Variants in ANKRD11 observed in about 807,000 individuals in gnomAD.
The protein encoded by ANKRD11 is ankyrin repeat domain 11, also known as ankyrin repeat domain-containing protein 11.
Under a neutral mutation model 195.7 loss-of-function variants are expected in ANKRD11, and 17 were observed. That is an observed-to-expected ratio of 0.09 (90% CI 0.06 to 0.13). The LOEUF (loss-of-function observed/expected upper bound fraction) is 0.13, where lower values mean the gene tolerates loss of function less well. ANKRD11 is among the 10% of genes least tolerant of loss of function. The pLI, the probability that ANKRD11 is intolerant of heterozygous loss-of-function variation, is 1.00. For synonymous variants in ANKRD11, 1,953 were observed against 1,528.1 expected (o/e 1.28, Z -6.49); for missense variants, 3,735 against 3,566.1 (o/e 1.05, Z -1.21).
At chr16:89,399,541 G>A (rs1028149378) in intron 2 of ANKRD11, among the ~76,000 whole-genome samples, 1 of 152,166 alleles carries the variant, frequency 6.6e-6, no homozygotes, top group Non-Finnish European at 1.5e-5. Flanking sequence ...GGAACACGGG[G>A]GACCTGGGGC....
chr16:89,407,448 G>A (rs2041950649), intron 2 of ANKRD11, among the ~76,000 whole-genome samples: 1 of 152,048 alleles, frequency 6.6e-6, no homozygotes, highest in African/African-American at 2.4e-5. Context: ...CTGCCAGCAG[G>A]GCCCCTGCCC....
intron 2 of ANKRD11, among the ~76,000 whole-genome samples, chr16:89,394,002 T>C (rs1476780795): frequency 6.6e-6 from 1 of 152,104 alleles, no homozygotes; most frequent in Non-Finnish European, 1.5e-5. Flanking sequence ...TGAAAGTGGG[T>C]TCCCAGACCC....
intron 12 of ANKRD11, chr16:89,270,258 A>G (rs757169952): frequency 2.9e-5 from 6 of 210,336 alleles, no homozygotes; most frequent in Non-Finnish European, 4.9e-5. Flanking sequence ...GCTGAGCCTG[A>G]TACTGCAGGT....
In ANKRD11 at chr16:89,291,192, C is replaced by T. The variant is rs375354801; in HGVS notation, c.227-9G>A. Reference sequence around the variant, plus strand: ...CTCAGGGCCCTGCTTCTCTGTGAGGCGGGCGAGGGAGAGAGGGAGGAGAGA... The same window carrying T: ...CTCAGGGCCCTGCTTCTCTGTGAGGTGGGCGAGGGAGAGAGGGAGGAGAGA... On this transcript the variant is annotated splice_polypyrimidine_tract_variant and intron_variant, in intron 4 of 12. Transcript: ENST00000301030. The surrounding 1 kb of genome is among the most constrained non-coding windows in gnomAD (Gnocchi z 5.3). The T allele has an allele frequency of 1.9e-6, 3 of 1,612,904 alleles. No individual in the cohort carries two copies. Among genetic ancestry groups the T allele is most frequent in the African/African-American group, 1.3e-5 (1 of 74,918 alleles).
intron 2 of ANKRD11, among the ~76,000 whole-genome samples, chr16:89,390,092 C>G (rs11076600): frequency 0.019 from 330 of 17,742 alleles, 45 homozygotes; most frequent in African/African-American, 0.037. Flanking sequence ...GGAGCACAGA[C>G]AGAGAAGATC....
At chr16:89,328,688 G>A (rs1028950305) in intron 2 of ANKRD11, among the ~76,000 whole-genome samples, 1 of 148,390 alleles carries the variant, frequency 6.7e-6, no homozygotes, top group East Asian at 2.0e-4. Flanking sequence ...ACACACCCAG[G>A]AGCACGGGCG....
In ANKRD11 at chr16:89,280,394, T is replaced by C; in HGVS notation, c.6148A>G (p.Thr2050Ala). Residue 2050 changes from threonine (T) to alanine (A), a missense_variant, in exon 9 of 13, where the codon ACC becomes GCC. Physicochemically the swap from Thr to Ala is moderately conservative, Grantham distance 58. Transcript: ENST00000301030. Reference protein sequence around the residue: ...GVDAVPAAISTSEAAPYAPPS... With the variant: ...GVDAVPAAISASEAAPYAPPS... ...GGGGCGTAGGGAGCCGCCTCTGAGG[T>C]GGAGATGGCGGCGGGGACGGCGTCC... 1 of 1,561,308 alleles carries C rather than the reference T, an allele frequency of 6.4e-7. No homozygotes were observed. Among genetic ancestry groups the C allele is most frequent in the Non-Finnish European group, 8.7e-7 (1 of 1,154,424 alleles).
intron 1 of ANKRD11, among the ~76,000 whole-genome samples, chr16:89,438,291 G>T (rs966151837): frequency 2.0e-5 from 3 of 151,758 alleles, no homozygotes; most frequent in South Asian, 2.1e-4. Flanking sequence ...AGAAGGCGTA[G>T]GAAGCTATCT....
chr16:89,433,281 T>G (rs1020635125), intron 1 of ANKRD11, among the ~76,000 whole-genome samples: 2 of 152,208 alleles, frequency 1.3e-5, no homozygotes, highest in African/African-American at 4.8e-5. Context: ...CCCTAACATA[T>G]GGATCCCTCC....
chr16:89,447,500 A>T (rs920174542), intron 1 of ANKRD11, among the ~76,000 whole-genome samples: 1 of 152,028 alleles, frequency 6.6e-6, no homozygotes, highest in African/African-American at 2.4e-5. Context: ...TGTCGTCCAC[A>T]ATCCTACGAA....
chr16:89,343,765 C>A lies in ANKRD11; in HGVS notation c.-59-26687G>T, dbSNP rs1209204169. ...GGAAGGGTCTCCAACTGAGCAGTCACCAGTGCAGCCTGCGTCAGGGCGCGC... is the reference window on the plus strand; with the variant it reads ...GGAAGGGTCTCCAACTGAGCAGTCAACAGTGCAGCCTGCGTCAGGGCGCGC... On this transcript the variant is annotated intron_variant, in intron 2 of 12. Coordinates refer to ENST00000301030, the MANE Select transcript of ANKRD11 (RefSeq NM_013275.6). The A allele has an allele frequency of 2.6e-5, 4 of 152,356 alleles. No individual in the cohort carries two copies. In the East Asian group the frequency reaches 5.8e-4, roughly 22 times the overall value. The allele number at this position is 152,356 out of a possible 1,614,324, so 9.4% of individuals were successfully genotyped here.
rs758502749 is a variant in ANKRD11 at position 89,285,679 on chromosome 16, G to A, written c.893-30C>T. ...TGGAGGTAGGAAGCGAGAGGTCACA[G>A]GCAGGCTCAAAACAGCTCTCCCCAG... is the stretch of plus-strand genomic sequence containing the variant. On this transcript the variant is annotated intron_variant, in intron 8 of 12. Transcript: ENST00000301030. The surrounding 1 kb of genome is among the most constrained non-coding windows in gnomAD (Gnocchi z 5.6). The A allele has an allele frequency of 5.6e-6, 9 of 1,611,132 alleles. No individual in the cohort carries two copies. Among genetic ancestry groups the A allele is most frequent in the Non-Finnish European group, 7.6e-6 (9 of 1,177,394 alleles).
chr16:89,288,057 G>T, intron 7 of ANKRD11: 1 of 556,960 alleles, frequency 1.8e-6, no homozygotes, highest in Non-Finnish European at 3.2e-6. Flanking sequence ...ACCTCTCAGT[G>T]CCCACTGCTC....
At chr16:89,478,643 C>T (rs537875175) in intron 1 of ANKRD11, among the ~76,000 whole-genome samples, 4 of 152,340 alleles carry the variant, frequency 2.6e-5, no homozygotes, top group South Asian at 2.1e-4. Context: ...GTACAGGCCA[C>T]GTCCTCTCCT....
At position 89,291,777 on chromosome 16, in the gene ANKRD11, TC is replaced by T; in HGVS notation, c.227-595del. ...CACAACAGGGACTGGGCTGGAGGCA[TC>T]TGAAGGCATCAACACAGAGCACTAA... On this transcript the variant is annotated intron_variant, in intron 4 of 12. Transcript: ENST00000301030. The surrounding 1 kb of genome is among the most constrained non-coding windows in gnomAD (Gnocchi z 5.3). The T allele has an allele frequency of 1.6e-6, 2 of 1,289,738 alleles. No individual in the cohort carries two copies. The highest frequency in any genetic ancestry group is 2.0e-6 in the Non-Finnish European group (2 of 988,836). The allele number at this position is 1,289,738 out of a possible 1,614,324, so 79.9% of individuals were successfully genotyped here. A position where few individuals can be genotyped will look rare whatever the true frequency, so the allele number is the denominator to read the frequency against.
chr16:89,352,415 C>T (rs2039264977), intron 2 of ANKRD11, among the ~76,000 whole-genome samples: 1 of 151,478 alleles, frequency 6.6e-6, no homozygotes, highest in African/African-American at 2.4e-5. Context: ...GTGACGCCCT[C>T]CTGCTCTCAG....
chr16:89,464,003 G>A (rs1567841431), intron 1 of ANKRD11, among the ~76,000 whole-genome samples: 1 of 152,152 alleles, frequency 6.6e-6, no homozygotes, highest in Non-Finnish European at 1.5e-5. Context: ...TTTTGGGAGG[G>A]TGAGGTGGGC....
intron 2 of ANKRD11, among the ~76,000 whole-genome samples, chr16:89,381,680 C>T (rs922944643): frequency 6.6e-6 from 1 of 152,208 alleles, no homozygotes; most frequent in Non-Finnish European, 1.5e-5. Flanking sequence ...ACCTTCAGAA[C>T]TCTCATCAGG....
chr16:89,326,034 C>T (rs1377117424), intron 2 of ANKRD11, among the ~76,000 whole-genome samples: 1 of 152,196 alleles, frequency 6.6e-6, no homozygotes, highest in Non-Finnish European at 1.5e-5. Context: ...CAAGGAGACA[C>T]ACAGCTCTGT....
Sources: gnomAD v4.1 joint callset for allele counts (sites outside exome capture counted in the v4.1 genomes callset) on GRCh38, gnomAD v4.1.1 for gene constraint, Gnocchi (gnomAD v3.1) non-coding constraint, MANE v1.5 for transcripts, NCBI Gene and HGNC (gene_info 2026-07-23, HGNC 2026-07-21) for gene names.